The following ERICH6B variants were observed in gnomAD, a reference collection of about 807,000 sequenced individuals.
ERICH6B encodes glutamate-rich protein 6B.
ERICH6B carries 69 observed loss-of-function variants against 80.0 expected under a neutral mutation model. That is an observed-to-expected ratio of 0.86 (90% confidence interval 0.71 to 1.05). The LOEUF is 1.05. Ranked by LOEUF, ERICH6B falls within the 50% of genes least tolerant of loss-of-function variation. The pLI, the probability that ERICH6B is intolerant of heterozygous loss-of-function variation, is 0.00. For missense variants in ERICH6B, 754 were observed against 796.1 expected, an observed-to-expected ratio of 0.95 and a Z score of 0.64; for synonymous variants, 283 against 291.9, an observed-to-expected ratio of 0.97 and a Z score of 0.31.
intron 9 of ERICH6B, among the ~76,000 whole-genome samples, chr13:45,567,218 T>C (rs1002015243): frequency 6.6e-6 from 1 of 152,264 alleles, no homozygotes; most frequent in Non-Finnish European, 1.5e-5. Context: ...TACAGGCTCA[T>C]AGGCAGAAGG....
chr13:45,556,404 A>AT lies in ERICH6B; in HGVS notation c.1407+4964dup, dbSNP rs144558372. On this transcript the variant is annotated intron_variant, in intron 11 of 14. Transcript: ENST00000298738. ...TATTAGCTCACTCTCAATTACTCTA[A>AT]TTTTTTTTCCCATAGGTTTTTGGGG... 3.5e-3 allele frequency among the ~76,000 whole-genome samples: 536 copies of AT among 151,668 alleles called. 11 individuals are homozygous for AT. The East Asian group carries it at 0.071, about 20-fold the overall frequency.
At chr13:45,583,951 A>C (rs1875785999) in intron 5 of ERICH6B, among the ~76,000 whole-genome samples, 1 of 152,172 alleles carries the variant, frequency 6.6e-6, no homozygotes, top group Non-Finnish European at 1.5e-5. Context: ...ATTCTCACCC[A>C]CATTTCTATA....
At chr13:45,562,075 TTGAC>T (rs947927809) in intron 10 of ERICH6B, among the ~76,000 whole-genome samples, 8 of 152,240 alleles carry the variant, frequency 5.3e-5, no homozygotes, top group African/African-American at 1.9e-4. Flanking sequence ...GATTGACTGA[TTGAC>T]TGAGACAGAA....
intron 10 of ERICH6B, among the ~76,000 whole-genome samples, chr13:45,562,023 T>C (rs923849716): frequency 3.3e-5 from 5 of 152,234 alleles, no homozygotes; most frequent in African/African-American, 1.2e-4. Flanking sequence ...GGTCTGATGA[T>C]TGGGCTCTGT....
At chr13:45,567,002 C>T (rs1016727574) in intron 9 of ERICH6B, among the ~76,000 whole-genome samples, 2 of 152,252 alleles carry the variant, frequency 1.3e-5, no homozygotes, top group Non-Finnish European at 2.9e-5. Context: ...GCACCTCTTG[C>T]ATTAGCATGA....
At chr13:45,571,838 G>C (rs960795543) in intron 8 of ERICH6B, among the ~76,000 whole-genome samples, 3 of 152,202 alleles carry the variant, frequency 2.0e-5, no homozygotes, top group African/African-American at 7.2e-5. Context: ...GGGGTGAACA[G>C]ATGTAGGAGA....
intron 13 of ERICH6B, among the ~76,000 whole-genome samples, chr13:45,545,388 C>T (rs1257849860): frequency 6.6e-6 from 1 of 152,190 alleles, no homozygotes; most frequent in African/African-American, 2.4e-5. Flanking sequence ...TGTTGCCATG[C>T]CTTGTTGGTT....
rs558954652 is a variant in ERICH6B at position 45,574,543 on chromosome 13, C to T, written c.1050+299G>A. ...GCCTGCAGAGATGGGAGAGAAACAC[C>T]ACTGCTATTTGCTGTGGTGGCTGCC... On this transcript the variant is annotated intron_variant, in intron 8 of 14. Transcript: ENST00000298738. Among the ~76,000 whole-genome samples the T allele has an allele frequency of 2.0e-5, 3 of 152,212 alleles. No individual in the cohort carries two copies. In the East Asian group the frequency reaches 5.8e-4, roughly 29 times the overall value.
At chr13:45,594,647 C>T (rs1876288938) in intron 3 of ERICH6B, among the ~76,000 whole-genome samples, 1 of 152,152 alleles carries the variant, frequency 6.6e-6, no homozygotes, top group Non-Finnish European at 1.5e-5. Context: ...AAGGATGGTA[C>T]ATCTGATTTG....
chr13:45,615,185 A>G (rs1202962172), intron 1 of ERICH6B, among the ~76,000 whole-genome samples: 1 of 152,054 alleles, frequency 6.6e-6, no homozygotes, highest in Admixed American at 6.5e-5. Flanking sequence ...TACCCCCCAC[A>G]TTAGAGAGGT....
chr13:45,579,857 T>C (rs1184641934), intron 7 of ERICH6B, 76 bp downstream of exon 7: 4 of 1,447,250 alleles, frequency 2.8e-6, no homozygotes, highest in Non-Finnish European at 2.9e-6. Flanking sequence ...GGGAGCCACC[T>C]GCTAGGGGCA....
intron 4 of ERICH6B, 35 bp from the exon 5 acceptor site, chr13:45,587,267 G>A: frequency 5.8e-6 from 9 of 1,548,098 alleles, no homozygotes; most frequent in Non-Finnish European, 7.9e-6. Flanking sequence ...TCAACTTCCA[G>A]ACAGGGGCCA....
chr13:45,582,553 C>T (rs918479061), intron 5 of ERICH6B, among the ~76,000 whole-genome samples: 1 of 152,174 alleles, frequency 6.6e-6, no homozygotes, highest in African/African-American at 2.4e-5. Context: ...TTATCCTCAG[C>T]ATTCAACAGC....
rs1874021350 is a variant in ERICH6B at position 45,547,021 on chromosome 13, T to C, written c.1647-2036A>G. Among the ~76,000 whole-genome samples, 6 of 152,290 alleles carry C rather than the reference T, an allele frequency of 3.9e-5. No homozygotes were observed. The South Asian group carries it at 1.2e-3, about 32-fold the overall frequency. ...ATACTGAAATTATAAAAATAACAAA[T>C]GAACAAACAAAAACCTGGGCTCTGG... On this transcript the variant is annotated intron_variant, in intron 13 of 14. Coordinates refer to ENST00000298738, the MANE Select transcript of ERICH6B (RefSeq NM_182542.3).
rs1344722021 is a variant in ERICH6B, at chr13:45,541,635, G to A, written c.1918C>T (p.Leu640=). Residue 640 remains leucine (L), a synonymous_variant, in exon 15 of 15, where the codon CTG becomes TTG. Transcript: ENST00000298738. ...GCTGTTGGGCCGGGTTCTGCCTCCA[G>A]GATGGTTTTCTTCTTCATTTCGCTC... ...VLSEMKKKTI[L]EAEPGPTAQK... is the part of the protein sequence containing the mutation. 11 of 1,551,250 alleles carry A rather than the reference G, an allele frequency of 7.1e-6. No homozygotes were observed. In the Admixed American group the frequency reaches 9.8e-5, roughly 14 times the overall value.
intron 13 of ERICH6B, among the ~76,000 whole-genome samples, chr13:45,545,272 G>A (rs904073603): frequency 4.6e-5 from 7 of 152,124 alleles, no homozygotes; most frequent in African/African-American, 1.4e-4. Context: ...TGCCTGCAAA[G>A]TTCCCCTGCC....
chr13:45,595,681 T>C (rs12876407), intron 3 of ERICH6B, among the ~76,000 whole-genome samples: 17,310 of 143,278 alleles, frequency 0.12, 1,080 homozygotes, highest in East Asian at 0.23. Context: ...TTCTCTCTCT[T>C]TTTTTTTTTT....
At chr13:45,549,783 A>G (rs1385613328) in intron 13 of ERICH6B, 110 bp downstream of exon 13, 1 of 1,252,578 alleles carries the variant, frequency 8.0e-7, no homozygotes, top group Non-Finnish European at 1.1e-6. Flanking sequence ...TCCCATTTCC[A>G]ACATGTGTAA....
chr13:45,541,383 T>C lies in ERICH6B; in HGVS notation c.*79A>G. 4 of 1,252,226 alleles carry C rather than the reference T, an allele frequency of 3.2e-6. No homozygotes were observed. In the East Asian group the frequency reaches 1.0e-4, roughly 32 times the overall value. 77.6% of individuals were successfully genotyped at this position (1,252,226 alleles called of 1,614,324 possible). ...CCAACTCTCATAAAAGGTCAACAGG[T>C]CTTTGGGTTTTTTTTCCCTGGAGCT... is the stretch of plus-strand genomic sequence containing the variant. On this transcript the variant is annotated 3_prime_UTR_variant, in exon 15 of 15. Transcript: ENST00000298738.
Sources: allele counts gnomAD v4.1 joint callset (sites outside exome capture counted in the v4.1 genomes callset), GRCh38; gene constraint gnomAD v4.1.1; transcripts MANE v1.5; gene names NCBI Gene and HGNC (gene_info 2026-07-23, HGNC 2026-07-21).